CCDC148: variants seen among roughly 807,000 people sequenced by gnomAD.
The protein encoded by CCDC148 is coiled-coil domain containing 148, also known as coiled-coil domain-containing protein 148.
A neutral mutation model predicts 85.7 loss-of-function variants in CCDC148; 89 were observed. That is an observed-to-expected ratio of 1.04 (90% CI 0.87 to 1.24). The LOEUF (loss-of-function observed/expected upper bound fraction) is 1.24. CCDC148 is among the 50% of genes most tolerant of loss of function. The pLI is 0.00. For missense variants in CCDC148, 692 were observed against 671.7 expected (o/e 1.03, Z -0.33); for synonymous variants, 230 against 213.9 (o/e 1.08, Z -0.66).
At chr2:158,223,278 C>A (rs1418973729) in intron 10 of CCDC148, among the ~76,000 whole-genome samples, 1 of 152,160 alleles carries the variant, frequency 6.6e-6, no homozygotes, top group Non-Finnish European at 1.5e-5. Context: ...GGAGGGACAC[C>A]CGCCATTGCT....
intron 10 of CCDC148, among the ~76,000 whole-genome samples, chr2:158,224,156 G>C (rs1049542903): frequency 1.3e-5 from 2 of 152,306 alleles, no homozygotes; most frequent in South Asian, 2.1e-4. Context: ...CAAGGCACGA[G>C]AACTACGTGA....
chr2:158,309,095 A>G (rs1691842970), intron 9 of CCDC148, among the ~76,000 whole-genome samples: 1 of 152,236 alleles, frequency 6.6e-6, no homozygotes, highest in Non-Finnish European at 1.5e-5. Flanking sequence ...AAGAGTCTTT[A>G]GATCAGCATT....
chr2:158,357,070 G>A (rs1683688934), intron 2 of CCDC148, among the ~76,000 whole-genome samples: 1 of 145,266 alleles, frequency 6.9e-6, no homozygotes, highest in South Asian at 2.3e-4. Context: ...ATCACACTCG[G>A]GACTGTTATG....
intron 1 of CCDC148, among the ~76,000 whole-genome samples, chr2:158,378,474 T>C (rs1317481891): frequency 6.6e-6 from 1 of 152,182 alleles, no homozygotes; most frequent in Non-Finnish European, 1.5e-5. Flanking sequence ...CCAGAAGCTC[T>C]TGCTAACATC....
intron 1 of CCDC148, chr2:158,425,056 C>A: frequency 4.4e-6 from 2 of 449,778 alleles, no homozygotes; most frequent in South Asian, 3.2e-5. Context: ...CCTAGGGGGT[C>A]GTGACCAAGG....
chr2:158,278,198 C>T lies in CCDC148; in HGVS notation c.1111-27286G>A, dbSNP rs535249417. Among the ~76,000 whole-genome samples the T allele has an allele frequency of 2.1e-3, 326 of 152,212 alleles. 1 individual carries two copies. The highest frequency in any genetic ancestry group is 7.4e-3 in the African/African-American group (309 of 41,518). ...AGTCTACAGCTCCCAGTGTGAGTGACGCAGAAGACGGGTGATTTCTGCATT... is the reference window on the plus strand; with the variant it reads ...AGTCTACAGCTCCCAGTGTGAGTGATGCAGAAGACGGGTGATTTCTGCATT... On this transcript the variant is annotated intron_variant, in intron 9 of 13. Coordinates refer to ENST00000283233, the MANE Select transcript of CCDC148 (RefSeq NM_138803.4).
intron 10 of CCDC148, among the ~76,000 whole-genome samples, chr2:158,225,861 C>T (rs1687487097): frequency 6.6e-6 from 1 of 152,006 alleles, no homozygotes; most frequent in South Asian, 2.1e-4. Context: ...CAGGAAAGAT[C>T]CAAAATTGAC....
chr2:158,433,729 G>A (rs1465148031), intron 1 of CCDC148, among the ~76,000 whole-genome samples: 1 of 152,178 alleles, frequency 6.6e-6, no homozygotes, highest in African/African-American at 2.4e-5. Flanking sequence ...CTAGCCAAAG[G>A]AAGCTGTGAC....
intron 10 of CCDC148, among the ~76,000 whole-genome samples, chr2:158,234,079 G>C (rs1365212695): frequency 2.0e-5 from 3 of 152,104 alleles, no homozygotes; most frequent in East Asian, 3.9e-4. Flanking sequence ...GGGAGGCTGA[G>C]GCAGGAGAAT....
At chr2:158,225,931 C>T (rs1687491846) in intron 10 of CCDC148, among the ~76,000 whole-genome samples, 1 of 152,102 alleles carries the variant, frequency 6.6e-6, no homozygotes, top group South Asian at 2.1e-4. Context: ...CAACAGCTAG[C>T]AGAAGGCAAG....
rs914641972 is a variant in CCDC148 at position 158,250,714 on chromosome 2, G to C, written c.1251+58C>G. The C allele has an allele frequency of 1.4e-5, 20 of 1,457,174 alleles. No homozygotes were observed. In the African/African-American group the frequency reaches 2.9e-4, roughly 21 times the overall value. The allele number at this position is 1,457,174 out of a possible 1,614,324, so 90.3% of individuals were successfully genotyped here. A position where few individuals can be genotyped will look rare whatever the true frequency, so the allele number is the denominator to read the frequency against. The stretch of plus-strand genomic sequence containing the variant: ...TCATGCCAAACACCAAGACCAAAAA[G>C]CTCAATCAGGCCATTAAGCATTCAT... On this transcript the variant is annotated intron_variant, in intron 10 of 13. Transcript: ENST00000283233.
intron 8 of CCDC148, among the ~76,000 whole-genome samples, chr2:158,310,178 CG>C (rs1691909486): frequency 6.6e-6 from 1 of 152,114 alleles, no homozygotes; most frequent in African/African-American, 2.4e-5. Context: ...CATCTTGCAC[CG>C]CCCTTAATCC....
chr2:158,396,723 C>T (rs1685537899), intron 1 of CCDC148, among the ~76,000 whole-genome samples: 1 of 152,040 alleles, frequency 6.6e-6, no homozygotes, highest in Non-Finnish European at 1.5e-5. Context: ...AATGCATGTT[C>T]AGAAGTTTTC....
At chr2:158,354,552 C>A (rs1263481949) in intron 2 of CCDC148, among the ~76,000 whole-genome samples, 2 of 152,168 alleles carry the variant, frequency 1.3e-5, no homozygotes, top group Non-Finnish European at 2.9e-5. Context: ...TCTGAATAGA[C>A]CAAGAACAGG....
chr2:158,182,268 A>G (rs1411072760), intron 11 of CCDC148, among the ~76,000 whole-genome samples: 4 of 152,050 alleles, frequency 2.6e-5, no homozygotes, highest in Admixed American at 1.3e-4. Flanking sequence ...TAGAGTAAGA[A>G]GAGAGGTAGG....
Position 158,174,907 on chromosome 2 carries a change from C to T in CCDC148, c.1629+1614G>A, listed in dbSNP as rs577887278. ...CTTTGACCAAAACACTGTTATGGGG[C>T]ACATGACTGTATATAATTTAAAGCT... is the stretch of plus-strand genomic sequence containing the variant. On this transcript the variant is annotated intron_variant, in intron 13 of 13. Transcript: ENST00000283233. 3.3e-5 allele frequency among the ~76,000 whole-genome samples: 5 copies of T among 152,134 alleles called. No individual in the cohort carries two copies. In the East Asian group the frequency reaches 9.7e-4, roughly 29 times the overall value.
At chr2:158,366,020 TA>T in intron 1 of CCDC148, 2 of 1,536,916 alleles carry the variant, frequency 1.3e-6, no homozygotes, top group Non-Finnish European at 1.8e-6. Flanking sequence ...ATACCTGAGC[TA>T]TCATTTCTCT....
intron 10 of CCDC148, among the ~76,000 whole-genome samples, chr2:158,224,775 G>A (rs1288862224): frequency 2.6e-5 from 4 of 152,228 alleles, no homozygotes; most frequent in Non-Finnish European, 5.9e-5. Flanking sequence ...TCACCACCAG[G>A]CCTGCCCTAA....
At chr2:158,445,604 A>C (rs1688126263) in intron 1 of CCDC148, among the ~76,000 whole-genome samples, 7 of 152,208 alleles carry the variant, frequency 4.6e-5, no homozygotes, top group Admixed American at 4.6e-4. Flanking sequence ...CTAAAACGAC[A>C]ACAAAATACA....
Sources: gnomAD v4.1 joint callset for allele counts (sites outside exome capture counted in the v4.1 genomes callset) on GRCh38, gnomAD v4.1.1 for gene constraint, MANE v1.5 for transcripts, NCBI Gene and HGNC (gene_info 2026-07-23, HGNC 2026-07-21) for gene names.